INTS6L: variants seen among roughly 807,000 people sequenced by gnomAD.
INTS6L encodes the protein integrator complex subunit 6-like.
INTS6L carries 18 observed loss-of-function variants against 64.7 expected under a neutral mutation model. That is an observed-to-expected ratio of 0.28 (90% CI 0.19 to 0.41). The LOEUF is 0.41. Ranked by LOEUF, INTS6L falls within the 10% of genes least tolerant of loss-of-function variation. The pLI is 1.00. For synonymous variants in INTS6L, 227 were observed against 235.9 expected, an observed-to-expected ratio of 0.96 and a Z score of 0.34; for missense variants, 533 against 661.0, an observed-to-expected ratio of 0.81 and a Z score of 2.12.
At chrX:135,547,953 A>ACCATGGCAACGCATTGCAAGACTT (rs1331007553) in intron 6 of INTS6L, among the ~76,000 whole-genome samples, 1 of 110,918 alleles carries the variant, frequency 9.0e-6, no homozygotes, top group East Asian at 2.8e-4. Context: ...CTAAACAAGC[A>ACCATGGCAACGCATTGCAAGACTT]CCATGGCAAC....
At chrX:135,546,094 G>A (rs1406626932) in intron 3 of INTS6L, among the ~76,000 whole-genome samples, 1 of 112,049 alleles carries the variant, frequency 8.9e-6, no homozygotes, top group Non-Finnish European at 1.9e-5. Context: ...CAGTAATCTT[G>A]TAATATTATT....
chrX:135,558,591 CAG>C (rs1347911889), intron 9 of INTS6L, among the ~76,000 whole-genome samples: 3 of 110,680 alleles, frequency 2.7e-5, no homozygotes, highest in East Asian at 2.8e-4. Flanking sequence ...CTCATAGAAA[CAG>C]GGGCTGTGTG....
chrX:135,567,283 C>A (rs1434154780), intron 9 of INTS6L, among the ~76,000 whole-genome samples: 1 of 111,536 alleles, frequency 9.0e-6, no homozygotes, highest in Non-Finnish European at 1.9e-5. Flanking sequence ...ATTTTACTTT[C>A]ATTCTACACT....
intron 2 of INTS6L, among the ~76,000 whole-genome samples, chrX:135,543,615 C>T (rs1283421184): frequency 1.8e-5 from 2 of 111,704 alleles, no homozygotes; most frequent in Non-Finnish European, 3.8e-5. Flanking sequence ...AGCATTCTGC[C>T]AAGTATAGCA....
intron 16 of INTS6L, among the ~76,000 whole-genome samples, chrX:135,580,448 T>C (rs1041722147): frequency 3.5e-5 from 4 of 112,851 alleles, no homozygotes; most frequent in Non-Finnish European, 7.5e-5. Flanking sequence ...AGTCAGAATT[T>C]TGAAATTATT....
At chrX:135,545,073 C>A (rs782364661) in intron 2 of INTS6L, among the ~76,000 whole-genome samples, 18 of 112,010 alleles carry the variant, frequency 1.6e-4, no homozygotes, top group Non-Finnish European at 3.0e-4. Context: ...AATAACTACT[C>A]CTTCCTCTGC....
intron 2 of INTS6L, among the ~76,000 whole-genome samples, chrX:135,544,822 T>A (rs1217039415): frequency 1.8e-5 from 2 of 112,034 alleles, no homozygotes; most frequent in African/African-American, 6.5e-5. Flanking sequence ...GCTGCTTCTT[T>A]GCCAAAACTT....
At chrX:135,525,253 A>C (rs1469285496) in intron 2 of INTS6L, among the ~76,000 whole-genome samples, 1 of 112,247 alleles carries the variant, frequency 8.9e-6, no homozygotes, top group African/African-American at 3.2e-5. Context: ...AAAGAAAGTA[A>C]GCCATTAGAG....
intron 2 of INTS6L, among the ~76,000 whole-genome samples, chrX:135,541,511 T>G (rs1489311129): frequency 8.9e-6 from 1 of 112,298 alleles, no homozygotes; most frequent in Non-Finnish European, 1.9e-5. Context: ...ACACATCAAG[T>G]GTTAAATAAC....
At chrX:135,525,254 G>A (rs1429873793) in intron 2 of INTS6L, among the ~76,000 whole-genome samples, 1 of 112,039 alleles carries the variant, frequency 8.9e-6, no homozygotes, top group African/African-American at 3.2e-5. Flanking sequence ...AAGAAAGTAA[G>A]CCATTAGAGT....
intron 9 of INTS6L, among the ~76,000 whole-genome samples, chrX:135,565,937 A>G (rs1169341563): frequency 8.9e-6 from 1 of 112,092 alleles, no homozygotes; most frequent in African/African-American, 3.2e-5. Flanking sequence ...TCTGAGGAGT[A>G]TAGGGTTTTT....
chrX:135,545,305 G>T (rs1234752497), intron 2 of INTS6L, 118 bp from the exon 3 acceptor site: 17 of 917,706 alleles, frequency 1.9e-5, no homozygotes, highest in East Asian at 3.3e-5. Flanking sequence ...ATATAGAATA[G>T]AATTAGGTTA....
In INTS6L at chrX:135,550,029, A is replaced by T. The variant is rs557495313; in HGVS notation, c.906+224A>T. ...TTGTCATTCTTCAGTTGCCTTCGCC[A>T]CTTGAGCTGCCCTTTTTGGATGTTA... On this transcript the variant is annotated intron_variant, in intron 7 of 17. Coordinates refer to ENST00000639893, the MANE Select transcript of INTS6L (RefSeq NM_001351601.3). Among the ~76,000 whole-genome samples, 9 of 112,389 alleles carry T rather than the reference A, an allele frequency of 8.0e-5. No homozygotes were observed. In the South Asian group the frequency reaches 3.3e-3, roughly 41 times the overall value.
rs1304692767 is a variant in INTS6L, at chrX:135,547,375, A to T, written c.742+110A>T. 4.6e-6 allele frequency: 4 copies of T among 873,756 alleles called. No homozygotes were observed. The African/African-American group carries it at 6.2e-5, about 13-fold the overall frequency. 72.0% of individuals were successfully genotyped at this position (873,756 alleles called of 1,213,427 possible). A position where few individuals can be genotyped will look rare whatever the true frequency, so the allele number is the denominator to read the frequency against. ...ACTATCCACGTGCATTTGAGTGGTT[A>T]CAAACATACATCCAAACAACTACCA... On this transcript the variant is annotated intron_variant, in intron 6 of 17. Transcript: ENST00000639893.
chrX:135,548,506 A>G (rs902632362), intron 6 of INTS6L, among the ~76,000 whole-genome samples: 31 of 111,795 alleles, frequency 2.8e-4, no homozygotes, highest in African/African-American at 9.4e-4. Flanking sequence ...GGGAACTTAC[A>G]TATTGAAATT....
chrX:135,543,033 C>T (rs983609383), intron 2 of INTS6L, among the ~76,000 whole-genome samples: 1 of 111,571 alleles, frequency 9.0e-6, no homozygotes, highest in Non-Finnish European at 1.9e-5. Flanking sequence ...GCAACCTCCT[C>T]TCCATCCCCA....
At chrX:135,529,573 C>G in intron 2 of INTS6L, among the ~76,000 whole-genome samples, 1 of 111,845 alleles carries the variant, frequency 8.9e-6, no homozygotes, top group Non-Finnish European at 1.9e-5. Flanking sequence ...GCACCAATGT[C>G]TAATTCTGAG....
At position 135,551,983 on chromosome X, in the gene INTS6L, A is replaced by AT. The variant is rs781955214; in HGVS notation, c.907-3dup. 3.4e-5 allele frequency: 38 copies of AT among 1,110,723 alleles called. No individual in the cohort carries two copies. Among genetic ancestry groups the AT allele is most frequent in the Non-Finnish European group, 4.1e-5 (35 of 847,966 alleles). The allele number at this position is 1,110,723 out of a possible 1,213,427, so 91.5% of individuals were successfully genotyped here. Reference sequence around the variant, plus strand: ...CCATTTTTTCTGCTTTTTTTAAAAAATTTTTTTTAGCCTCCACGAACATCT... The same window carrying AT: ...CCATTTTTTCTGCTTTTTTTAAAAAATTTTTTTTTAGCCTCCACGAACATCT... On this transcript the variant is annotated splice_polypyrimidine_tract_variant and intron_variant, in intron 7 of 17. Coordinates refer to ENST00000639893, the MANE Select transcript of INTS6L (RefSeq NM_001351601.3).
chrX:135,576,064 C>T (rs1321975713), intron 14 of INTS6L, among the ~76,000 whole-genome samples: 3 of 111,836 alleles, frequency 2.7e-5, no homozygotes, highest in African/African-American at 3.3e-5. Context: ...AGGTGGCTCA[C>T]GCCTGTAATC....
Sources: gnomAD v4.1 joint callset for allele counts (sites outside exome capture counted in the v4.1 genomes callset) on GRCh38, gnomAD v4.1.1 for gene constraint, MANE v1.5 for transcripts, NCBI Gene and HGNC (gene_info 2026-07-23, HGNC 2026-07-21) for gene names.